Variants in MRPL9 observed in about 807,000 individuals in gnomAD.
MRPL9 encodes the protein large ribosomal subunit protein bL9m.
Under a neutral mutation model 27.6 loss-of-function variants are expected in MRPL9, and 25 were observed. The ratio of observed to expected loss-of-function variants is 0.91; its 90% confidence interval spans 0.66 to 1.27. MRPL9 has a LOEUF of 1.27. MRPL9 is among the 50% of genes most tolerant of loss of function. MRPL9 has a pLI of 0.00. For missense variants in MRPL9, 362 were observed against 338.0 expected (o/e 1.07, Z -0.56); for synonymous variants, 154 against 139.0 (o/e 1.11, Z -0.76).
rs375245816 is a variant in MRPL9 at position 151,763,157 on chromosome 1, G to A, written c.154-11C>T. The A allele has an allele frequency of 4.5e-4, 729 of 1,612,014 alleles. 4 individuals are homozygous for A. In the South Asian group the frequency reaches 6.6e-3, roughly 15 times the overall value. On this transcript the variant is annotated splice_polypyrimidine_tract_variant and intron_variant, in intron 1 of 6. Coordinates refer to ENST00000368830, the MANE Select transcript of MRPL9 (RefSeq NM_031420.4). ...CACGATGACCGTGCCCTGGCGGCCA[G>A]GAAAGCGACGGTAAGCTAGTCTCCA... is the stretch of plus-strand genomic sequence containing the variant.
intron 2 of MRPL9, 183 bp downstream of exon 2, chr1:151,762,807 A>C: frequency 1.2e-6 from 1 of 811,834 alleles, no homozygotes; most frequent in South Asian, 1.8e-5. Flanking sequence ...TTTATGTTTT[A>C]ATTTTCAATG....
intron 2 of MRPL9, 116 bp downstream of exon 2, chr1:151,762,874 G>C: frequency 1.6e-6 from 2 of 1,231,894 alleles, no homozygotes; most frequent in Non-Finnish European, 2.3e-6. Flanking sequence ...CTCACATATA[G>C]AGTTGGATTG....
rs1647991543 is a variant in MRPL9, at chr1:151,760,059, G to A, written c.795C>T (p.Pro265=). ...TGGAGGGAGAGTAGATTTAGATCTGGGGGCTGGTGGGGGCCATAGCCTTGG... is the reference window on the plus strand; with the variant it reads ...TGGAGGGAGAGTAGATTTAGATCTGAGGGCTGGTGGGGGCCATAGCCTTGG... ...QAAKAMAPTS[P]QI is the part of the protein sequence containing the mutation. The change falls in exon 7 of 7, where the codon CCC becomes CCT. Residue 265 remains proline, a synonymous_variant. Transcript: ENST00000368830. 1 of 1,613,882 alleles carries A rather than the reference G, an allele frequency of 6.2e-7. No homozygotes were observed. The highest frequency in any genetic ancestry group is 8.5e-7 in the Non-Finnish European group (1 of 1,179,888).
intron 4 of MRPL9, 146 bp downstream of exon 4, chr1:151,761,959 T>C (rs1648104658): frequency 2.6e-6 from 2 of 772,894 alleles, no homozygotes; most frequent in South Asian, 3.2e-5. Flanking sequence ...GAGGTCTCCA[T>C]ACCTGTTTTG....
chr1:151,760,576 C>CAA (rs11454049), intron 6 of MRPL9, among the ~76,000 whole-genome samples: 18,385 of 50,060 alleles, frequency 0.37, 3,871 homozygotes, highest in Non-Finnish European at 0.47. Flanking sequence ...GACTCCAGCT[C>CAA]AAAAAAAAAA....
At position 151,762,174 on chromosome 1, in the gene MRPL9, G is replaced by T; in HGVS notation, c.436-19C>A. On this transcript the variant is annotated intron_variant, in intron 3 of 6. Coordinates refer to ENST00000368830, the MANE Select transcript of MRPL9 (RefSeq NM_031420.4). ...GTCTCAGCTAGAAAAGAAAGTTAAA[G>T]ATGAAAAGCAGTAAAAGAAAAATGA... 6.2e-7 allele frequency: 1 copy of T among 1,613,706 alleles called. No homozygotes were observed. The highest frequency in any genetic ancestry group is 8.5e-7 in the Non-Finnish European group (1 of 1,179,708).
At position 151,760,061 on chromosome 1, in the gene MRPL9, G is replaced by A. The variant is rs751171728; in HGVS notation, c.793C>T (p.Pro265Ser). The A allele has an allele frequency of 7.8e-5, 126 of 1,613,908 alleles. No homozygotes were observed. The Middle Eastern group carries it at 2.0e-3, about 25-fold the overall frequency. Residue 265 changes from proline (P) to serine (S), a missense_variant, in exon 7 of 7, where the codon CCC becomes TCC. Pro to Ser is a moderately conservative substitution (Grantham distance 74). Transcript: ENST00000368830. ...GAGGGAGAGTAGATTTAGATCTGGGGGCTGGTGGGGGCCATAGCCTTGGCA... is the reference window on the plus strand; with the variant it reads ...GAGGGAGAGTAGATTTAGATCTGGGAGCTGGTGGGGGCCATAGCCTTGGCA... ...QAAKAMAPTSPQI is the reference protein window; with the variant it reads ...QAAKAMAPTSSQI
rs777672147 is a variant in MRPL9, at chr1:151,761,504, T to G, written c.535A>C (p.Asn179His). 3.4e-5 allele frequency: 55 copies of G among 1,614,054 alleles called. No individual in the cohort carries two copies. The highest frequency in any genetic ancestry group is 4.2e-5 in the Non-Finnish European group (49 of 1,179,956). The change falls in exon 5 of 7, where the codon AAT becomes CAT. Residue 179 changes from asparagine (N) to histidine (H), a missense_variant. Physicochemically the swap from Asn to His is moderately conservative, Grantham distance 68. Coordinates refer to ENST00000368830, the MANE Select transcript of MRPL9 (RefSeq NM_031420.4). ...SCRLEVGMKNNVKWELNPEIV... is the reference protein window; with the variant it reads ...SCRLEVGMKNHVKWELNPEIV... ...TCAGGGTTCAGCTCCCATTTGACAT[T>G]GTTCTTCATCCCTACCTCCAGGCGA...
chr1:151,763,070 T>C lies in MRPL9; in HGVS notation c.230A>G (p.His77Arg), dbSNP rs767800887. The C allele has an allele frequency of 6.2e-6, 10 of 1,614,156 alleles. No individual in the cohort carries two copies. Among genetic ancestry groups the C allele is most frequent in the South Asian group, 1.1e-5 (1 of 91,076 alleles). The stretch of plus-strand genomic sequence containing the variant: ...GTCCTCCACCAGCTTATAGACGCGA[T>C]GTCGCCGGTGCAGGCGCGGCTTCCG... ...EGRKPRLHRRHRVYKLVEDTK... is the reference protein window; with the variant it reads ...EGRKPRLHRRRRVYKLVEDTK... The change falls in exon 2 of 7, where the codon CAT (histidine) becomes CGT (arginine). Residue 77 changes from histidine (H) to arginine (R), a missense_variant. Coordinates refer to ENST00000368830, the MANE Select transcript of MRPL9 (RefSeq NM_031420.4).
intron 5 of MRPL9, 47 bp downstream of exon 5, chr1:151,761,404 C>G: frequency 7.4e-7 from 1 of 1,346,820 alleles, no homozygotes; most frequent in East Asian, 2.3e-5. Flanking sequence ...TTTCCAGAGG[C>G]AGCTTCCACC....
chr1:151,762,534 C>A (rs376964381), intron 2 of MRPL9, 34 bp from the exon 3 acceptor site: 6 of 1,610,060 alleles, frequency 3.7e-6, no homozygotes, highest in South Asian at 1.1e-5. Flanking sequence ...GGAATTAGAA[C>A]CATCTAGGAG....
chr1:151,761,709 CCAGCCTGGCCAA>C (rs1648092119), intron 4 of MRPL9, among the ~76,000 whole-genome samples, 157 bp from the exon 5 acceptor site: 1 of 152,168 alleles, frequency 6.6e-6, no homozygotes, highest in African/African-American at 2.4e-5. Flanking sequence ...GAGTTTGAAA[CCAGCCTGGCCAA>C]CATGGCGAAA....
chr1:151,762,916 G>A, intron 2 of MRPL9, 74 bp downstream of exon 2: 1 of 1,528,034 alleles, frequency 6.5e-7, no homozygotes, highest in East Asian at 2.3e-5. Context: ...GCAAATAGTT[G>A]AGGGGGACGG....
chr1:151,762,709 G>C, intron 2 of MRPL9: 1 of 650,788 alleles, frequency 1.5e-6, no homozygotes, highest in South Asian at 2.2e-5. Flanking sequence ...CCTGTATAGA[G>C]GGAGTTGTCG....
chr1:151,763,368 C>A lies in MRPL9; in HGVS notation c.112G>T (p.Ala38Ser), dbSNP rs375512226. 6.3e-7 allele frequency: 1 copy of A among 1,575,582 alleles called. No homozygotes were observed. The change falls in exon 1 of 7, where the codon GCC (alanine) becomes TCC (serine). Residue 38 changes from alanine to serine, a missense_variant. By Grantham distance (99) the Ala-to-Ser change is moderately conservative. Transcript: ENST00000368830. Reference sequence around the variant, plus strand: ...CTGAAGTTGCAGGCCAGGTCAGGGGCGTTCCCTTCATGTCGCGGCCGCAGT... The same window carrying A: ...CTGAAGTTGCAGGCCAGGTCAGGGGAGTTCCCTTCATGTCGCGGCCGCAGT... ...ELLRPRHEGN[A>S]PDLACNFSLS...
At chr1:151,763,189 A>G in intron 1 of MRPL9, 43 bp from the exon 2 acceptor site, 2 of 1,595,208 alleles carry the variant, frequency 1.3e-6, no homozygotes, top group Non-Finnish European at 1.7e-6. Flanking sequence ...TCCACAAGGA[A>G]CACCCTCTCC....
rs545947893 is a variant in MRPL9, at chr1:151,760,243, T to C, written c.673-62A>G. 1,777 of 1,598,868 alleles carry C rather than the reference T, an allele frequency of 1.1e-3. 7 individuals are homozygous for C. Among genetic ancestry groups the C allele is most frequent in the South Asian group, 2.8e-3 (252 of 90,410 alleles). ...CAGGTAAGTAAGATTTAGCACCACC[T>C]AATCCCAGCTTTTCACCCTGACTTT... On this transcript the variant is annotated intron_variant, in intron 6 of 6. Transcript: ENST00000368830.
rs1647983317 is a variant in MRPL9, at chr1:151,759,921, C to G, written c.*129G>C. 4.1e-6 allele frequency: 5 copies of G among 1,209,960 alleles called. No homozygotes were observed. In the South Asian group the frequency reaches 7.9e-5, roughly 19 times the overall value. 75.0% of individuals were successfully genotyped at this position (1,209,960 alleles called of 1,614,324 possible). A position where few individuals can be genotyped will look rare whatever the true frequency, so the allele number is the denominator to read the frequency against. ...AAGAATTCAACATGTATACGCAGTG[C>G]AGTCTGATGTCTTCAGATGTTCTCT... On this transcript the variant is annotated 3_prime_UTR_variant, in exon 7 of 7. Coordinates refer to ENST00000368830, the MANE Select transcript of MRPL9 (RefSeq NM_031420.4).
chr1:151,761,855 C>G, intron 4 of MRPL9: 1 of 596,490 alleles, frequency 1.7e-6, no homozygotes, highest in Non-Finnish European at 3.0e-6. Flanking sequence ...GCAGAGCCCT[C>G]ATCTCAGACT....
Sources: allele counts gnomAD v4.1 joint callset (sites outside exome capture counted in the v4.1 genomes callset), GRCh38; gene constraint gnomAD v4.1.1; transcripts MANE v1.5; gene names NCBI Gene and HGNC (gene_info 2026-07-23, HGNC 2026-07-21).